Variants in RBFOX1 observed in about 807,000 individuals in gnomAD.
The protein encoded by RBFOX1 is RNA binding fox-1 homolog 1.
Under a neutral mutation model 57.7 loss-of-function variants are expected in RBFOX1, and 8 were observed. The ratio of observed to expected loss-of-function variants is 0.14; its 90% CI spans 0.08 to 0.25. The LOEUF (loss-of-function observed/expected upper bound fraction) is 0.25, where lower values mean the gene tolerates loss of function less well. Ranked by LOEUF, RBFOX1 falls within the 10% of genes least tolerant of loss-of-function variation. The pLI, the probability that RBFOX1 is intolerant of heterozygous loss-of-function variation, is 1.00. For missense variants in RBFOX1, 611 were observed against 548.5 expected (o/e 1.11, Z -1.14); for synonymous variants, 326 against 222.4 (o/e 1.47, Z -4.15).
At chr16:5,930,181 A>C (rs895389549) in intron 4 of RBFOX1, among the ~76,000 whole-genome samples, 1 of 149,554 alleles carries the variant, frequency 6.7e-6, no homozygotes, top group Admixed American at 6.7e-5. Flanking sequence ...ACTCAACACC[A>C]AATAGCTTAA....
At chr16:7,625,589 A>G (rs1026612626) in intron 10 of RBFOX1, among the ~76,000 whole-genome samples, 3 of 152,070 alleles carry the variant, frequency 2.0e-5, no homozygotes, top group Non-Finnish European at 2.9e-5. Context: ...TTCCTAACCC[A>G]TTTTAATCTT....
chr16:5,634,049 C>G (rs1375596544), intron 3 of RBFOX1, among the ~76,000 whole-genome samples: 1 of 152,162 alleles, frequency 6.6e-6, no homozygotes, highest in Admixed American at 6.5e-5. Flanking sequence ...AGGACACAGA[C>G]TCAAATAAGC....
chr16:6,262,570 C>G (rs1221112719), intron 1 of RBFOX1, among the ~76,000 whole-genome samples: 1 of 152,194 alleles, frequency 6.6e-6, no homozygotes, highest in Non-Finnish European at 1.5e-5. Context: ...TTGCTGTCAA[C>G]TGGATTGCAA....
At chr16:6,682,203 A>T (rs532376672) in intron 3 of RBFOX1, among the ~76,000 whole-genome samples, 108 of 152,332 alleles carry the variant, frequency 7.1e-4, no homozygotes, top group African/African-American at 2.5e-3. Flanking sequence ...AATTAAAACA[A>T]CAACAGCAAC....
intron 1 of RBFOX1, among the ~76,000 whole-genome samples, chr16:6,310,202 C>T (rs899398813): frequency 1.3e-5 from 2 of 152,158 alleles, no homozygotes; most frequent in African/African-American, 2.4e-5. Context: ...TGCCTTTAAG[C>T]AGCATAAGCC....
downstream of RBFOX1, among the ~76,000 whole-genome samples, chr16:5,602,920 G>A (rs762755406): frequency 1.3e-5 from 2 of 152,170 alleles, no homozygotes; most frequent in East Asian, 1.9e-4. Flanking sequence ...CGGCATATTC[G>A]TTCAAGTTTC....
At chr16:6,984,535 G>A (rs1449404566) in intron 3 of RBFOX1, among the ~76,000 whole-genome samples, 1 of 152,130 alleles carries the variant, frequency 6.6e-6, no homozygotes, top group Non-Finnish European at 1.5e-5. Flanking sequence ...CACTAAATTA[G>A]AATGGTGCAG....
intron 3 of RBFOX1, among the ~76,000 whole-genome samples, chr16:6,840,521 A>G (rs1475176926): frequency 2.0e-5 from 3 of 152,250 alleles, no homozygotes; most frequent in East Asian, 1.9e-4. Flanking sequence ...AGGTGATAGT[A>G]TTAGAAAATG....
intron 4 of RBFOX1, among the ~76,000 whole-genome samples, chr16:7,368,789 A>AT (rs977310043): frequency 4.7e-5 from 7 of 150,256 alleles, no homozygotes; most frequent in African/African-American, 1.7e-4. Context: ...CAAAAAAAAA[A>AT]AAAAAAATAA....
At chr16:5,974,874 G>C (rs1192896643) in intron 4 of RBFOX1, among the ~76,000 whole-genome samples, 1 of 151,990 alleles carries the variant, frequency 6.6e-6, no homozygotes, top group Non-Finnish European at 1.5e-5. Context: ...CGGGCATGGT[G>C]GCACATGCCT....
chr16:5,924,646 C>T (rs1021570846), intron 4 of RBFOX1, among the ~76,000 whole-genome samples: 2 of 152,340 alleles, frequency 1.3e-5, no homozygotes, highest in African/African-American at 2.4e-5. Context: ...CTTGTGCAGC[C>T]TGCAGAACCA....
intron 2 of RBFOX1, among the ~76,000 whole-genome samples, chr16:6,499,025 G>T (rs1020769420): frequency 3.3e-5 from 5 of 152,154 alleles, no homozygotes; most frequent in African/African-American, 1.2e-4. Flanking sequence ...TTCTATGATT[G>T]TGTGACAGGT....
chr16:6,955,967 A>T (rs976445584), intron 3 of RBFOX1, among the ~76,000 whole-genome samples: 1 of 152,142 alleles, frequency 6.6e-6, no homozygotes, highest in Non-Finnish European at 1.5e-5. Context: ...TGGCCTCCCG[A>T]AGTGCTGGGA....
intron 4 of RBFOX1, among the ~76,000 whole-genome samples, chr16:7,405,427 C>T (rs1209080607): frequency 2.0e-5 from 3 of 152,106 alleles, no homozygotes; most frequent in Non-Finnish European, 4.4e-5. Flanking sequence ...GAACATTGAG[C>T]GGAGCTGAGC....
At chr16:6,498,534 G>C (rs1200099285) in intron 2 of RBFOX1, among the ~76,000 whole-genome samples, 1 of 152,106 alleles carries the variant, frequency 6.6e-6, no homozygotes, top group African/African-American at 2.4e-5. Flanking sequence ...CATAGATTTT[G>C]CCTGCAGGTG....
At chr16:6,016,712 C>G (rs569241815), upstream of RBFOX1, among the ~76,000 whole-genome samples, 1 of 152,196 alleles carries the variant, frequency 6.6e-6, no homozygotes. Flanking sequence ...CAGGTTCTTT[C>G]TAACCATAGC....
intron 3 of RBFOX1, among the ~76,000 whole-genome samples, chr16:6,814,857 G>A (rs1444704201): frequency 6.6e-6 from 1 of 152,184 alleles, no homozygotes; most frequent in East Asian, 1.9e-4. Flanking sequence ...CAGACGCCAA[G>A]AGAGGGTTCT....
At chr16:7,415,963 A>AC (rs1252809249) in intron 4 of RBFOX1, among the ~76,000 whole-genome samples, 2 of 152,110 alleles carry the variant, frequency 1.3e-5, no homozygotes, top group African/African-American at 4.8e-5. Flanking sequence ...AAATCAAGTG[A>AC]AACTTAGGAC....
chr16:5,440,309 G>T (rs1288501815), intron 1 of RBFOX1, among the ~76,000 whole-genome samples: 1 of 152,134 alleles, frequency 6.6e-6, no homozygotes, highest in Non-Finnish European at 1.5e-5. Flanking sequence ...AAGTTTCTTA[G>T]AAGATGCTTG....
Sources: gnomAD v4.1 joint callset for allele counts (sites outside exome capture counted in the v4.1 genomes callset) on GRCh38, gnomAD v4.1.1 for gene constraint, MANE v1.5 for transcripts, NCBI Gene and HGNC (gene_info 2026-07-23, HGNC 2026-07-21) for gene names.